Variants in TSPAN5 observed in about 807,000 individuals in gnomAD.
The protein encoded by TSPAN5 is tetraspanin 5.
Under a neutral mutation model 37.1 loss-of-function variants are expected in TSPAN5, and 10 were observed. The observed-to-expected ratio is 0.27, with a 90% CI of 0.17 to 0.46. The LOEUF is 0.46. TSPAN5 is among the 20% of genes least tolerant of loss of function. TSPAN5 has a pLI of 1.00. For missense variants in TSPAN5, 195 were observed against 326.6 expected, an observed-to-expected ratio of 0.60 and a Z score of 3.11; for synonymous variants, 110 against 118.9, an observed-to-expected ratio of 0.93 and a Z score of 0.48.
chr4:98,586,439 C>A (rs1351597268), intron 1 of TSPAN5, among the ~76,000 whole-genome samples: 1 of 151,940 alleles, frequency 6.6e-6, no homozygotes, highest in Non-Finnish European at 1.5e-5. Flanking sequence ...GGCATGGTTT[C>A]CAAGGTAACA....
intron 1 of TSPAN5, among the ~76,000 whole-genome samples, chr4:98,637,601 C>A (rs1220943996): frequency 6.6e-6 from 1 of 151,960 alleles, no homozygotes; most frequent in East Asian, 1.9e-4. Flanking sequence ...AATTTCAGGC[C>A]TAATTATTAT....
chr4:98,591,857 T>C (rs1056124705), intron 1 of TSPAN5, among the ~76,000 whole-genome samples: 1 of 152,170 alleles, frequency 6.6e-6, no homozygotes, highest in East Asian at 1.9e-4. Context: ...TTGCTAAATC[T>C]TGACAAACTA....
At chr4:98,518,297 T>A (rs1245659946) in intron 1 of TSPAN5, among the ~76,000 whole-genome samples, 4 of 152,174 alleles carry the variant, frequency 2.6e-5, no homozygotes. Context: ...ATCATTCAAC[T>A]TATTTAATGA....
At chr4:98,524,050 T>C (rs1753910236) in intron 1 of TSPAN5, among the ~76,000 whole-genome samples, 1 of 152,220 alleles carries the variant, frequency 6.6e-6, no homozygotes, top group Non-Finnish European at 1.5e-5. Context: ...ATTAAAAGTG[T>C]AATTAAAAAG....
intron 3 of TSPAN5, chr4:98,483,073 A>T (rs1752884245): frequency 6.6e-6 from 1 of 152,138 alleles, no homozygotes; most frequent in Admixed American, 6.6e-5. Flanking sequence ...TCCACCTCCT[A>T]CCATCCTGTA....
At chr4:98,496,158 C>G (rs1194977632) in intron 2 of TSPAN5, among the ~76,000 whole-genome samples, 1 of 152,136 alleles carries the variant, frequency 6.6e-6, no homozygotes, top group African/African-American at 2.4e-5. Flanking sequence ...AGGGGTGATC[C>G]TGGAGAGTTA....
chr4:98,611,722 A>G (rs561034807), intron 1 of TSPAN5, among the ~76,000 whole-genome samples: 1 of 152,334 alleles, frequency 6.6e-6, no homozygotes, highest in Middle Eastern at 3.4e-3. Context: ...AGAATGTGCG[A>G]CCCAGAAGTC....
At chr4:98,646,106 CA>C (rs34134836) in intron 1 of TSPAN5, among the ~76,000 whole-genome samples, 31 of 146,088 alleles carry the variant, frequency 2.1e-4, no homozygotes, top group Middle Eastern at 3.5e-3. Flanking sequence ...GTACAGGTGG[CA>C]AAAAAAAAAG....
chr4:98,562,651 C>T (rs1172773851), intron 1 of TSPAN5, among the ~76,000 whole-genome samples: 1 of 151,288 alleles, frequency 6.6e-6, no homozygotes, highest in Non-Finnish European at 1.5e-5. Context: ...CACAGCGAGA[C>T]TCTGTCTCAA....
intron 1 of TSPAN5, among the ~76,000 whole-genome samples, chr4:98,640,736 T>C (rs1756947378): frequency 6.6e-6 from 1 of 152,174 alleles, no homozygotes; most frequent in African/African-American, 2.4e-5. Context: ...CAAGTTCTAT[T>C]ATACAGGGTA....
chr4:98,568,286 T>C (rs1246197394), intron 1 of TSPAN5, among the ~76,000 whole-genome samples: 1 of 152,100 alleles, frequency 6.6e-6, no homozygotes, highest in African/African-American at 2.4e-5. Context: ...TTCCCGCCTG[T>C]AATCCCAGCA....
At chr4:98,571,888 C>A (rs1392350921) in intron 1 of TSPAN5, among the ~76,000 whole-genome samples, 3 of 152,184 alleles carry the variant, frequency 2.0e-5, no homozygotes, top group African/African-American at 7.2e-5. Flanking sequence ...TCCAAAATTT[C>A]TGCTGTCAAT....
intron 1 of TSPAN5, among the ~76,000 whole-genome samples, chr4:98,615,179 G>A (rs896701814): frequency 2.0e-5 from 3 of 152,120 alleles, no homozygotes; most frequent in African/African-American, 4.8e-5. Context: ...GCCTTGCCAC[G>A]TGTAACCTGC....
chr4:98,477,750 C>A (rs2110255200), intron 5 of TSPAN5, among the ~76,000 whole-genome samples: 1 of 151,404 alleles, frequency 6.6e-6, no homozygotes, highest in Non-Finnish European at 1.5e-5. Flanking sequence ...CAGCCTCAAA[C>A]TCCTGGGCTC....
intron 1 of TSPAN5, among the ~76,000 whole-genome samples, chr4:98,582,210 C>T (rs1315645771): frequency 6.6e-6 from 1 of 152,176 alleles, no homozygotes; most frequent in Non-Finnish European, 1.5e-5. Context: ...CCGCTGGGCC[C>T]TCTCCCCTGT....
chr4:98,574,926 A>G (rs573285370), intron 1 of TSPAN5: 1 of 153,442 alleles, frequency 6.5e-6, no homozygotes, highest in Non-Finnish European at 1.5e-5. Flanking sequence ...AAAGGGCACC[A>G]CGAAGATTAA....
At chr4:98,631,845 G>C (rs1036382151) in intron 1 of TSPAN5, among the ~76,000 whole-genome samples, 1 of 152,140 alleles carries the variant, frequency 6.6e-6, no homozygotes, top group African/African-American at 2.4e-5. Flanking sequence ...TTGTCTCTGG[G>C]GACTCGGCCA....
At chr4:98,589,042 T>C (rs569644444) in intron 1 of TSPAN5, among the ~76,000 whole-genome samples, 1 of 152,168 alleles carries the variant, frequency 6.6e-6, no homozygotes, top group Admixed American at 6.5e-5. Context: ...ACAGCAGAAA[T>C]GTGACAGTGT....
chr4:98,650,286 C>T (rs1301072264), intron 1 of TSPAN5, among the ~76,000 whole-genome samples: 1 of 151,982 alleles, frequency 6.6e-6, no homozygotes, highest in Non-Finnish European at 1.5e-5. Flanking sequence ...AGGCTTCCTA[C>T]GTTTACAAAA....
Sources: gnomAD v4.1 joint callset for allele counts (sites outside exome capture counted in the v4.1 genomes callset) on GRCh38, gnomAD v4.1.1 for gene constraint, MANE v1.5 for transcripts, NCBI Gene and HGNC (gene_info 2026-07-23, HGNC 2026-07-21) for gene names.